The following PRMT3 variants were observed in gnomAD, a reference collection of about 807,000 sequenced individuals.
PRMT3 encodes protein arginine methyltransferase 3.
Under a neutral mutation model 71.9 loss-of-function variants are expected in PRMT3, and 62 were observed. That is an observed-to-expected ratio of 0.86 (90% CI 0.70 to 1.07). The LOEUF (loss-of-function observed/expected upper bound fraction) is 1.07. Among genes scored for constraint, PRMT3 ranks in the 50% least tolerant of loss-of-function variants. PRMT3 has a pLI of 0.00. For missense variants in PRMT3, 663 were observed against 643.0 expected (o/e 1.03, Z -0.34); for synonymous variants, 213 against 220.4 (o/e 0.97, Z 0.30).
intron 15 of PRMT3, among the ~76,000 whole-genome samples, chr11:20,496,619 G>A (rs1187098586): frequency 8.7e-6 from 1 of 114,740 alleles, no homozygotes; most frequent in African/African-American, 3.3e-5. Flanking sequence ...GGCTACAACT[G>A]GGGTGGGGGG....
intron 15 of PRMT3, among the ~76,000 whole-genome samples, chr11:20,507,135 A>T (rs1347816070): frequency 1.3e-5 from 2 of 152,176 alleles, no homozygotes; most frequent in African/African-American, 2.4e-5. Flanking sequence ...TACATCCCTT[A>T]AGCCTGGTTC....
At chr11:20,444,301 AT>A (rs1295831427) in intron 10 of PRMT3, among the ~76,000 whole-genome samples, 1 of 152,176 alleles carries the variant, frequency 6.6e-6, no homozygotes, top group African/African-American at 2.4e-5. Flanking sequence ...ATACTCATTC[AT>A]TTAACAAATA....
intron 13 of PRMT3, among the ~76,000 whole-genome samples, chr11:20,488,305 T>C (rs181113494): frequency 2.0e-5 from 3 of 152,306 alleles, no homozygotes; most frequent in Admixed American, 2.0e-4. Context: ...CTTATGTTTG[T>C]ATTTTCATCT....
intron 11 of PRMT3, among the ~76,000 whole-genome samples, chr11:20,453,157 T>G (rs1435495241): frequency 6.6e-6 from 1 of 151,922 alleles, no homozygotes; most frequent in Non-Finnish European, 1.5e-5. Context: ...CCATGTTCTA[T>G]GAAATTACTT....
chr11:20,472,730 A>T (rs1017736422), intron 13 of PRMT3, among the ~76,000 whole-genome samples: 4 of 152,156 alleles, frequency 2.6e-5, no homozygotes, highest in African/African-American at 9.7e-5. Context: ...GCCTCATAGA[A>T]CAAGTAGGGA....
chr11:20,442,414 G>A (rs1367954103), intron 10 of PRMT3, among the ~76,000 whole-genome samples: 2 of 151,766 alleles, frequency 1.3e-5, no homozygotes, highest in Non-Finnish European at 2.9e-5. Context: ...TAAGATAACA[G>A]GACATTCTGT....
At chr11:20,412,796 A>G (rs1481294124) in intron 9 of PRMT3, among the ~76,000 whole-genome samples, 2 of 152,048 alleles carry the variant, frequency 1.3e-5, no homozygotes, top group Non-Finnish European at 2.9e-5. Context: ...CCTTTGATGT[A>G]GATTATTTAT....
intron 10 of PRMT3, among the ~76,000 whole-genome samples, chr11:20,448,010 G>C (rs2044216): frequency 6.6e-6 from 1 of 152,084 alleles, no homozygotes; most frequent in Non-Finnish European, 1.5e-5. Context: ...TGTAAACAAA[G>C]TGTTTTACTC....
chr11:20,408,518 G>A (rs1294163376), intron 9 of PRMT3, among the ~76,000 whole-genome samples: 1 of 152,126 alleles, frequency 6.6e-6, no homozygotes, highest in Non-Finnish European at 1.5e-5. Flanking sequence ...ACAAGGCAGA[G>A]TGGATTTAGT....
chr11:20,473,820 G>A (rs1255059093), intron 13 of PRMT3, among the ~76,000 whole-genome samples: 1 of 152,160 alleles, frequency 6.6e-6, no homozygotes, highest in Non-Finnish European at 1.5e-5. Context: ...GTCATTTGGA[G>A]GAAGAGAGGC....
At chr11:20,502,309 A>G (rs900071687) in intron 15 of PRMT3, among the ~76,000 whole-genome samples, 1 of 152,178 alleles carries the variant, frequency 6.6e-6, no homozygotes, top group Non-Finnish European at 1.5e-5. Flanking sequence ...TGAACAATTG[A>G]AGGGAGATCA....
Position 20,404,211 on chromosome 11 carries a change from G to GTTTTTTTT in PRMT3, c.771+1261_771+1268dup, listed in dbSNP as rs71063629. Among the ~76,000 whole-genome samples the GTTTTTTTT allele has an allele frequency of 1.7e-4, 6 of 34,330 alleles. 2 individuals carry two copies. The East Asian group carries it at 7.5e-3, about 43-fold the overall frequency. 22.5% of individuals were successfully genotyped at this position (34,330 alleles called of 152,430 possible). On this transcript the variant is annotated intron_variant, in intron 8 of 15. Transcript: ENST00000331079. ...GTTACTATAGTGGAGACTTTTCATA[G>GTTTTTTTT]TTTTTTTTTTTTTTTTTTTTTTTTT...
chr11:20,429,182 G>GGGGGAT (rs1354666546), intron 10 of PRMT3, among the ~76,000 whole-genome samples: 1 of 152,164 alleles, frequency 6.6e-6, no homozygotes, highest in South Asian at 2.1e-4. Context: ...CCCATGGATT[G>GGGGGAT]GGGGATGGGG....
At chr11:20,409,097 CA>C (rs1171167266) in intron 9 of PRMT3, among the ~76,000 whole-genome samples, 1 of 151,456 alleles carries the variant, frequency 6.6e-6, no homozygotes, top group African/African-American at 2.4e-5. Flanking sequence ...ACACTTTCTC[CA>C]AAAAAAATTT....
chr11:20,403,622 CCT>C (rs1159959616), intron 8 of PRMT3, among the ~76,000 whole-genome samples: 1 of 150,484 alleles, frequency 6.6e-6, no homozygotes, highest in Admixed American at 6.6e-5. Flanking sequence ...TCTCTTTTTC[CCT>C]CTCTCTTTTC....
intron 10 of PRMT3, among the ~76,000 whole-genome samples, chr11:20,432,047 G>A (rs1375493524): frequency 6.6e-6 from 1 of 151,988 alleles, no homozygotes; most frequent in African/African-American, 2.4e-5. Flanking sequence ...TAGGTCCCTT[G>A]TGTATAATTA....
intron 11 of PRMT3, among the ~76,000 whole-genome samples, chr11:20,460,199 A>G (rs1324476685): frequency 1.3e-5 from 2 of 151,866 alleles, no homozygotes; most frequent in Non-Finnish European, 2.9e-5. Flanking sequence ...GGAGAGAGTA[A>G]TTTTTCTATT....
chr11:20,423,644 G>A (rs1174971711), intron 9 of PRMT3, among the ~76,000 whole-genome samples: 10 of 151,962 alleles, frequency 6.6e-5, no homozygotes, highest in Admixed American at 6.6e-4. Context: ...CAGAACAATT[G>A]TTATTCCATT....
intron 15 of PRMT3, among the ~76,000 whole-genome samples, chr11:20,499,861 C>G (rs1034155039): frequency 6.6e-6 from 1 of 152,158 alleles, no homozygotes; most frequent in Non-Finnish European, 1.5e-5. Flanking sequence ...AAATTCCGGT[C>G]CCAGGTAATG....
Sources: gnomAD v4.1 joint callset for allele counts (sites outside exome capture counted in the v4.1 genomes callset) on GRCh38, gnomAD v4.1.1 for gene constraint, MANE v1.5 for transcripts, NCBI Gene and HGNC (gene_info 2026-07-23, HGNC 2026-07-21) for gene names.